The following MMP26 variants were observed in gnomAD, a reference collection of about 807,000 sequenced individuals.
MMP26 encodes the protein matrix metalloproteinase-26.
In MMP26, 33 loss-of-function variants were observed where a neutral mutation model predicts 31.0. The ratio of observed to expected loss-of-function variants is 1.06; its 90% CI spans 0.81 to 1.42. The LOEUF (loss-of-function observed/expected upper bound fraction) is 1.42, where lower values mean the gene tolerates loss of function less well. Among genes scored for constraint, MMP26 ranks in the 40% most tolerant of loss-of-function variants. MMP26 has a pLI of 0.00. For missense variants in MMP26, 347 were observed against 316.1 expected (o/e 1.10, Z -0.74); for synonymous variants, 122 against 114.9 (o/e 1.06, Z -0.40).
intron 2 of MMP26, among the ~76,000 whole-genome samples, chr11:4,872,966 A>G (rs1850330873): frequency 6.6e-6 from 1 of 152,116 alleles, no homozygotes; most frequent in Admixed American, 6.6e-5. Context: ...CCAGCTATAC[A>G]GTACACTCAT....
intron 2 of MMP26, chr11:4,915,529 C>T (rs554121981): frequency 1.2e-5 from 20 of 1,614,014 alleles, no homozygotes; most frequent in African/African-American, 9.3e-5. Flanking sequence ...TGCAGTTGCC[C>T]GGGATGGAAA....
intron 2 of MMP26, among the ~76,000 whole-genome samples, chr11:4,909,759 T>G (rs1008255832): frequency 6.6e-6 from 1 of 152,150 alleles, no homozygotes; most frequent in Non-Finnish European, 1.5e-5. Context: ...AATGTAAATT[T>G]AACCACAGCT....
intron 2 of MMP26, among the ~76,000 whole-genome samples, chr11:4,892,893 A>G (rs1850647812): frequency 6.6e-6 from 1 of 152,148 alleles, no homozygotes; most frequent in South Asian, 2.1e-4. Flanking sequence ...TTAATTTAAC[A>G]TCTATTTTAA....
At chr11:4,780,528 T>C (rs969254051) in intron 2 of MMP26, among the ~76,000 whole-genome samples, 49 of 152,320 alleles carry the variant, frequency 3.2e-4, no homozygotes, top group African/African-American at 1.2e-3. Flanking sequence ...TCTATTTTCT[T>C]ATTGATTTTT....
At chr11:4,808,730 G>T (rs1180697720) in intron 2 of MMP26, among the ~76,000 whole-genome samples, 2 of 149,800 alleles carry the variant, frequency 1.3e-5, no homozygotes, top group African/African-American at 4.9e-5. Context: ...ATTCCATTCT[G>T]CTTGCTCTGC....
At chr11:4,777,547 A>C (rs1455902293) in intron 2 of MMP26, among the ~76,000 whole-genome samples, 1 of 152,164 alleles carries the variant, frequency 6.6e-6, no homozygotes, top group East Asian at 1.9e-4. Context: ...GAATACATCC[A>C]TGTTACCACC....
At chr11:4,849,271 C>G (rs1589918949) in intron 2 of MMP26, 2 of 1,525,956 alleles carry the variant, frequency 1.3e-6, no homozygotes, top group Non-Finnish European at 1.8e-6. Flanking sequence ...TACTTAATCG[C>G]GTGCCAAATT....
At chr11:4,939,483 C>G (rs913414907) in intron 2 of MMP26, among the ~76,000 whole-genome samples, 1 of 152,194 alleles carries the variant, frequency 6.6e-6, no homozygotes, top group Non-Finnish European at 1.5e-5. Flanking sequence ...GAGTGGCTAT[C>G]TTTTCCAAAG....
In MMP26 at chr11:4,947,501, T is replaced by C. The variant is rs1564812800; in HGVS notation, c.-144-40567T>C. On this transcript the variant is annotated intron_variant, in intron 2 of 7. Transcript: ENST00000380390. Reference sequence around the variant, plus strand: ...CTATGTGATTAATTGCCAGTAATAATAGTCAAATGAAAGCTAAATAAATGA... The same window carrying C: ...CTATGTGATTAATTGCCAGTAATAACAGTCAAATGAAAGCTAAATAAATGA... 2.8e-5 allele frequency: 4 copies of C among 142,722 alleles called. 1 individual carries two copies. The highest frequency in any genetic ancestry group is 1.8e-4 in the East Asian group (1 of 5,670). The allele number at this position is 142,722 out of a possible 1,614,324, so 8.8% of individuals were successfully genotyped here.
intron 2 of MMP26, among the ~76,000 whole-genome samples, chr11:4,778,452 G>A (rs1259471046): frequency 6.6e-6 from 1 of 151,904 alleles, no homozygotes. Flanking sequence ...CCTATATGTG[G>A]GTTTCTTTCT....
intron 2 of MMP26, among the ~76,000 whole-genome samples, chr11:4,808,760 CTTT>C (rs11335702): frequency 1.4e-5 from 2 of 142,334 alleles, no homozygotes. Flanking sequence ...CTCAGATTTT[CTTT>C]TTTTTTTTTT....
At chr11:4,872,802 T>TA (rs1850328718) in intron 2 of MMP26, among the ~76,000 whole-genome samples, 1 of 152,036 alleles carries the variant, frequency 6.6e-6, no homozygotes, top group Non-Finnish European at 1.5e-5. Flanking sequence ...CTTCTGAAGC[T>TA]ACAGAAGCTC....
chr11:4,897,044 G>A (rs1176154827), intron 2 of MMP26, among the ~76,000 whole-genome samples: 3 of 151,860 alleles, frequency 2.0e-5, no homozygotes, highest in Non-Finnish European at 2.9e-5. Context: ...TATGCATAAT[G>A]TATCTTTTTA....
chr11:4,964,567 G>T (rs186394551), intron 2 of MMP26, among the ~76,000 whole-genome samples: 1 of 151,854 alleles, frequency 6.6e-6, no homozygotes, highest in Non-Finnish European at 1.5e-5. Context: ...CCCATTACTC[G>T]GTATATACCT....
intron 2 of MMP26, among the ~76,000 whole-genome samples, chr11:4,929,129 A>G (rs575934814): frequency 4.6e-5 from 7 of 152,286 alleles, no homozygotes; most frequent in African/African-American, 1.2e-4. Context: ...AAACCCAAAA[A>G]TATGTGCAGC....
chr11:4,990,250 A>C (rs1199674095), intron 4 of MMP26, among the ~76,000 whole-genome samples: 1 of 152,232 alleles, frequency 6.6e-6, no homozygotes, highest in Non-Finnish European at 1.5e-5. Context: ...GTAGAATGCT[A>C]TACATTTTAA....
At chr11:4,791,507 G>A (rs1849026558) in intron 2 of MMP26, among the ~76,000 whole-genome samples, 1 of 152,090 alleles carries the variant, frequency 6.6e-6, no homozygotes, top group South Asian at 2.1e-4. Flanking sequence ...CTAGTGCAAA[G>A]CAGCTGCCTA....
At position 4,992,278 on chromosome 11, in the gene MMP26, A is replaced by G; in HGVS notation, c.*36A>G. On this transcript the variant is annotated 3_prime_UTR_variant, in exon 8 of 8. Coordinates refer to ENST00000380390, the MANE Select transcript of MMP26 (RefSeq NM_021801.5). ...GAGGACTTATTCAACCTGTCCTTTC[A>G]GGGAGTTTATTGGAGGATCAAAGAA... 2.5e-6 allele frequency: 4 copies of G among 1,595,718 alleles called. No homozygotes were observed. The highest frequency in any genetic ancestry group is 2.6e-6 in the Non-Finnish European group (3 of 1,168,858).
rs536869043 is a variant in MMP26, at chr11:4,761,817, G to T, written c.-216-5453G>T. ...ATCTCCAGGTAATAGCATAATGCCA[G>T]TTCCATAGTACATATATTTTAAATA... On this transcript the variant is annotated intron_variant, in intron 1 of 7. Transcript: ENST00000380390. 6.6e-5 allele frequency among the ~76,000 whole-genome samples: 10 copies of T among 152,226 alleles called. No individual in the cohort carries two copies. In the South Asian group the frequency reaches 2.1e-3, roughly 32 times the overall value.
Sources: gnomAD v4.1 joint callset for allele counts (sites outside exome capture counted in the v4.1 genomes callset) on GRCh38, gnomAD v4.1.1 for gene constraint, MANE v1.5 for transcripts, NCBI Gene and HGNC (gene_info 2026-07-23, HGNC 2026-07-21) for gene names.